The following HNRNPH3 variants were observed in gnomAD, a reference collection of about 807,000 sequenced individuals.
The protein encoded by HNRNPH3 is heterogeneous nuclear ribonucleoprotein 2H9.
HNRNPH3 carries 7 observed loss-of-function variants against 47.0 expected under a neutral mutation model. That is an observed-to-expected ratio of 0.15 (90% CI 0.08 to 0.28). The LOEUF (loss-of-function observed/expected upper bound fraction) is 0.28. Among genes scored for constraint, HNRNPH3 ranks in the 10% least tolerant of loss-of-function variants. The pLI is 1.00. For missense variants in HNRNPH3, 279 were observed against 449.6 expected, an observed-to-expected ratio of 0.62 and a Z score of 3.43; for synonymous variants, 120 against 143.2, an observed-to-expected ratio of 0.84 and a Z score of 1.16.
intron 1 of HNRNPH3, among the ~76,000 whole-genome samples, chr10:68,336,409 A>G (rs916374257): frequency 5.3e-5 from 8 of 152,190 alleles, no homozygotes; most frequent in Non-Finnish European, 1.0e-4. Flanking sequence ...TGTACCTTTT[A>G]TGCTTTATTA....
At chr10:68,332,029 C>T (rs972580627), upstream of HNRNPH3, 1 of 152,678 alleles carries the variant, frequency 6.5e-6, no homozygotes, top group African/African-American at 2.4e-5. Flanking sequence ...CTCCGCCCCC[C>T]ACTTCTTGCT....
At chr10:68,334,859 TAAGTAG>T (rs2045456967) in intron 1 of HNRNPH3, among the ~76,000 whole-genome samples, 1 of 152,226 alleles carries the variant, frequency 6.6e-6, no homozygotes, top group Non-Finnish European at 1.5e-5. Context: ...TAAACTGTTT[TAAGTAG>T]TTTCTGACAG....
chr10:68,332,604 AG>A (rs1178597262), intron 1 of HNRNPH3, among the ~76,000 whole-genome samples: 1 of 151,496 alleles, frequency 6.6e-6, no homozygotes, highest in Non-Finnish European at 1.5e-5. Flanking sequence ...AGGCCAGGGG[AG>A]GGGGTGGTCA....
At chr10:68,338,112 A>G in intron 3 of HNRNPH3, 116 bp downstream of exon 3, 1 of 716,744 alleles carries the variant, frequency 1.4e-6, no homozygotes, top group Non-Finnish European at 2.2e-6. Context: ...AAAAGAATTG[A>G]TAATTATCTA....
intron 1 of HNRNPH3, among the ~76,000 whole-genome samples, chr10:68,336,484 T>G (rs1040290141): frequency 6.6e-6 from 1 of 152,218 alleles, no homozygotes; most frequent in African/African-American, 2.4e-5. Context: ...TAAACTGGTT[T>G]CTAAACACTG....
At position 68,341,807 on chromosome 10, in the gene HNRNPH3, A is replaced by G. The variant is rs758134733; in HGVS notation, c.920A>G (p.Asn307Ser). The G allele has an allele frequency of 5.0e-6, 8 of 1,611,050 alleles. No individual in the cohort carries two copies. The highest frequency in any genetic ancestry group is 1.1e-5 in the South Asian group (1 of 90,632). The change falls in exon 9 of 10, where the codon AAT becomes AGT. Residue 307 changes from asparagine to serine, a missense_variant. Transcript: ENST00000265866. ...GSVGRMGMGN[N>S]YSGGYGTPDG... The stretch of plus-strand genomic sequence containing the variant: ...GTTGGAAGAATGGGAATGGGGAACA[A>G]TTACAGTGGAGGATATGGTACTCCT...
rs138763502 is a variant in HNRNPH3, at chr10:68,340,881, CA to C, written c.640-292del. Among the ~76,000 whole-genome samples the C allele has an allele frequency of 1.6e-4, 25 of 151,892 alleles. No homozygotes were observed. The East Asian group carries it at 4.6e-3, about 28-fold the overall frequency. On this transcript the variant is annotated intron_variant, in intron 6 of 9. Transcript: ENST00000265866. ...GCAGTGGCGTGATCTCTGCTTACTG[CA>C]GCTCCCACCTCCTGCGTTCAAGCGA... is the stretch of plus-strand genomic sequence containing the variant.
At position 68,338,634 on chromosome 10, in the gene HNRNPH3, G is replaced by T. The variant is rs760149579; in HGVS notation, c.383G>T (p.Gly128Val). Residue 128 changes from glycine (G) to valine (V), a missense_variant, in exon 4 of 10, where the codon GGG becomes GTG. Coordinates refer to ENST00000265866, the MANE Select transcript of HNRNPH3 (RefSeq NM_012207.3). Reference sequence around the variant, plus strand: ...GGAAGAGGGGGTTATTATGGAGCTGGGCGTGGAAGTATGTATGACAGAATG... The same window carrying T: ...GGAAGAGGGGGTTATTATGGAGCTGTGCGTGGAAGTATGTATGACAGAATG... ...IGGRGGYYGA[G>V]RGSMYDRMRR... 6 of 1,612,444 alleles carry T rather than the reference G, an allele frequency of 3.7e-6. No individual in the cohort carries two copies. The highest frequency in any genetic ancestry group is 1.7e-6 in the Non-Finnish European group (2 of 1,179,258).
At chr10:68,341,139 A>C (rs2045907322) in intron 6 of HNRNPH3, 35 bp from the exon 7 acceptor site, 1 of 1,444,600 alleles carries the variant, frequency 6.9e-7, no homozygotes, top group Admixed American at 2.4e-5. Context: ...TAATATTCTC[A>C]ATAGAAAAGT....
intron 3 of HNRNPH3, 86 bp from the exon 4 acceptor site, chr10:68,338,417 A>G (rs546670153): frequency 2.1e-4 from 155 of 736,384 alleles, no homozygotes; most frequent in Non-Finnish European, 3.2e-4. Context: ...ATCTAGATAT[A>G]GAAAAACTTA....
chr10:68,343,179 T>A lies in HNRNPH3; in HGVS notation c.*1125T>A, dbSNP rs1162756. On this transcript the variant is annotated 3_prime_UTR_variant, in exon 10 of 10. Coordinates refer to ENST00000265866, the MANE Select transcript of HNRNPH3 (RefSeq NM_012207.3). ...CCAGAAATGTTATTAATAAATGTCA[T>A]TGTGGGAGATAATAGTATGGCGTCT... The A allele has an allele frequency of 0.93, 141,330 of 152,276 alleles. 65,788 individuals are homozygous for A. Among genetic ancestry groups the A allele is most frequent in the East Asian group, 1 (5,188 of 5,190 alleles). 9.4% of individuals were successfully genotyped at this position (152,276 alleles called of 1,614,324 possible). A position where few individuals can be genotyped will look rare whatever the true frequency, so the allele number is the denominator to read the frequency against.
Position 68,337,216 on chromosome 10 carries a change from A to G in HNRNPH3, c.-6A>G. 1 of 1,539,330 alleles carries G rather than the reference A, an allele frequency of 6.5e-7. No individual in the cohort carries two copies. Among genetic ancestry groups the G allele is most frequent in the Non-Finnish European group, 9.0e-7 (1 of 1,112,350 alleles). On this transcript the variant is annotated 5_prime_UTR_variant, in exon 2 of 10. Coordinates refer to ENST00000265866, the MANE Select transcript of HNRNPH3 (RefSeq NM_012207.3). The surrounding 1 kb of genome is among the most constrained non-coding windows in gnomAD (Gnocchi z 4.5). ...TTTTATAGCATTTAAATCAAACGGTATTGAGATGGATTGGGTTATGAAACA... is the reference window on the plus strand; with the variant it reads ...TTTTATAGCATTTAAATCAAACGGTGTTGAGATGGATTGGGTTATGAAACA...
At chr10:68,338,759 A>T in intron 4 of HNRNPH3, 72 bp downstream of exon 4, 1 of 1,235,192 alleles carries the variant, frequency 8.1e-7, no homozygotes, top group Non-Finnish European at 1.1e-6. Context: ...CAAGAAATAC[A>T]GAAATGGCAG....
chr10:68,334,890 A>T (rs2045459284), intron 1 of HNRNPH3, among the ~76,000 whole-genome samples: 1 of 152,144 alleles, frequency 6.6e-6, no homozygotes, highest in Non-Finnish European at 1.5e-5. Flanking sequence ...ATTAGAGCAG[A>T]TTGCTTCTTC....
At chr10:68,338,254 CACCTATTATGTACTAAAAG>C (rs2045638315) in intron 3 of HNRNPH3, 1 of 451,792 alleles carries the variant, frequency 2.2e-6, no homozygotes, top group African/African-American at 2.0e-5. Flanking sequence ...TCCTTTAAAA[CACCTATTATGTACTAAAAG>C]AGACAAAGTA....
intron 1 of HNRNPH3, among the ~76,000 whole-genome samples, chr10:68,334,322 C>T (rs1025078402): frequency 6.6e-6 from 1 of 152,184 alleles, no homozygotes; most frequent in African/African-American, 2.4e-5. Flanking sequence ...ATGTAAAATC[C>T]TTTATGTATT....
At chr10:68,333,821 T>A (rs936349398) in intron 1 of HNRNPH3, among the ~76,000 whole-genome samples, 3 of 152,228 alleles carry the variant, frequency 2.0e-5, no homozygotes, top group African/African-American at 7.2e-5. Context: ...TTATTGAAGA[T>A]GTTCAGTGAT....
chr10:68,333,205 T>C (rs2045308045), intron 1 of HNRNPH3, among the ~76,000 whole-genome samples: 1 of 138,772 alleles, frequency 7.2e-6, no homozygotes, highest in Non-Finnish European at 1.5e-5. Flanking sequence ...ATTTATCAAA[T>C]AGGAATGTGA....
intron 1 of HNRNPH3, among the ~76,000 whole-genome samples, chr10:68,333,610 CAT>C (rs1017690578): frequency 6.6e-6 from 1 of 152,032 alleles, no homozygotes; most frequent in Admixed American, 6.6e-5. Context: ...GCCTACTAAA[CAT>C]AAAAACAAAT....
Sources: gnomAD v4.1 joint callset for allele counts (sites outside exome capture counted in the v4.1 genomes callset) on GRCh38, gnomAD v4.1.1 for gene constraint, Gnocchi (gnomAD v3.1) non-coding constraint, MANE v1.5 for transcripts, NCBI Gene and HGNC (gene_info 2026-07-23, HGNC 2026-07-21) for gene names.